CYP7B1: variants seen among roughly 807,000 people sequenced by gnomAD.
The protein encoded by CYP7B1 is cytochrome P450 family 7 subfamily B member 1.
Under a neutral mutation model 42.7 loss-of-function variants are expected in CYP7B1, and 29 were observed. The observed-to-expected ratio is 0.68, with a 90% CI of 0.51 to 0.93. The LOEUF is 0.93. Among genes scored for constraint, CYP7B1 ranks in the 40% least tolerant of loss-of-function variants. The probability of loss-of-function intolerance (pLI) is 0.00; values close to 1 mark genes in which losing one functional copy is unlikely to be tolerated. For synonymous variants in CYP7B1, 235 were observed against 218.2 expected (o/e 1.08, Z -0.68); for missense variants, 655 against 600.5 (o/e 1.09, Z -0.95).
chr8:64,625,672 C>T (rs774689501), intron 1 of CYP7B1, among the ~76,000 whole-genome samples: 11 of 152,172 alleles, frequency 7.2e-5, no homozygotes, highest in Non-Finnish European at 1.2e-4. Context: ...GAGTTCTAGT[C>T]AAACTGCTTG....
At chr8:64,783,515 T>C (rs762397207) in intron 1 of CYP7B1, among the ~76,000 whole-genome samples, 4 of 151,318 alleles carry the variant, frequency 2.6e-5, no homozygotes, top group Non-Finnish European at 5.9e-5. Flanking sequence ...GTGAGAGGGC[T>C]GAAAGAGAGA....
chr8:64,792,507 T>A (rs962340442), intron 1 of CYP7B1, among the ~76,000 whole-genome samples: 1 of 152,202 alleles, frequency 6.6e-6, no homozygotes, highest in Admixed American at 6.5e-5. Flanking sequence ...TACATACTCA[T>A]TCATTTGTAC....
At position 64,593,617 on chromosome 8, in the gene CYP7B1, T is replaced by A. The variant is rs565645710; in HGVS notation, c.*3025A>T. Among the ~76,000 whole-genome samples the A allele has an allele frequency of 6.6e-6, 1 of 152,214 alleles. No homozygotes were observed. Among genetic ancestry groups the A allele is most frequent in the Non-Finnish European group, 1.5e-5 (1 of 68,022 alleles). On this transcript the variant is annotated 3_prime_UTR_variant, in exon 6 of 6. Transcript: ENST00000310193. The stretch of plus-strand genomic sequence containing the variant: ...GTCTGAAAAATGCAAATACAAATTC[T>A]CTCTTGAGGAATGAACTTTAAATCT...
At chr8:64,791,421 G>T (rs1167284475) in intron 1 of CYP7B1, among the ~76,000 whole-genome samples, 1 of 152,144 alleles carries the variant, frequency 6.6e-6, no homozygotes, top group Non-Finnish European at 1.5e-5. Flanking sequence ...ACATTGTCCT[G>T]GATTATCAGC....
intron 1 of CYP7B1, among the ~76,000 whole-genome samples, chr8:64,794,395 C>A (rs1804672499): frequency 6.6e-6 from 1 of 152,196 alleles, no homozygotes. Flanking sequence ...TTAGTCAATT[C>A]AGACTGCTAT....
At chr8:64,615,314 A>G in intron 3 of CYP7B1, 82 bp from the exon 4 acceptor site, 1 of 1,400,916 alleles carries the variant, frequency 7.1e-7, no homozygotes, top group Non-Finnish European at 9.9e-7. Flanking sequence ...AAAAGATGTT[A>G]GGACACAGAC....
intron 1 of CYP7B1, among the ~76,000 whole-genome samples, chr8:64,662,243 G>C (rs534898489): frequency 3.9e-4 from 60 of 152,262 alleles, no homozygotes; most frequent in Admixed American, 3.9e-4. Flanking sequence ...AGAGAAGGGA[G>C]GATTACTTGA....
intron 1 of CYP7B1, among the ~76,000 whole-genome samples, chr8:64,783,899 G>T (rs1450037954): frequency 6.6e-6 from 1 of 152,122 alleles, no homozygotes; most frequent in Admixed American, 6.5e-5. Context: ...TGGTAGGACT[G>T]CAAAATGGTA....
chr8:64,780,774 G>C (rs1345553463), intron 1 of CYP7B1, among the ~76,000 whole-genome samples: 1 of 151,976 alleles, frequency 6.6e-6, no homozygotes, highest in Non-Finnish European at 1.5e-5. Flanking sequence ...TGCGGATGTG[G>C]CTCTCTCTAT....
At chr8:64,754,918 T>C (rs1291868918) in intron 1 of CYP7B1, among the ~76,000 whole-genome samples, 1 of 152,166 alleles carries the variant, frequency 6.6e-6, no homozygotes, top group Non-Finnish European at 1.5e-5. Flanking sequence ...TGAAAGATCT[T>C]GAAGATCTTA....
At chr8:64,647,254 T>C (rs1805968032) in intron 1 of CYP7B1, among the ~76,000 whole-genome samples, 1 of 151,918 alleles carries the variant, frequency 6.6e-6, no homozygotes, top group Non-Finnish European at 1.5e-5. Context: ...CCCACAACAA[T>C]TACAACAGTA....
chr8:64,623,884 C>T (rs2129630410), intron 2 of CYP7B1, among the ~76,000 whole-genome samples: 1 of 152,004 alleles, frequency 6.6e-6, no homozygotes, highest in East Asian at 1.9e-4. Context: ...ACGAACTACA[C>T]AATACAAAGA....
chr8:64,708,042 G>A (rs1275631973), intron 1 of CYP7B1, among the ~76,000 whole-genome samples: 1 of 152,118 alleles, frequency 6.6e-6, no homozygotes, highest in Non-Finnish European at 1.5e-5. Context: ...TGGGAGCATG[G>A]ACTATCAGCA....
At chr8:64,736,744 T>A (rs930273213) in intron 1 of CYP7B1, among the ~76,000 whole-genome samples, 5 of 152,248 alleles carry the variant, frequency 3.3e-5, no homozygotes, top group African/African-American at 1.2e-4. Flanking sequence ...CCACCACACC[T>A]GGGCTGAATT....
At chr8:64,724,705 C>G (rs747861757) in intron 1 of CYP7B1, among the ~76,000 whole-genome samples, 8 of 152,052 alleles carry the variant, frequency 5.3e-5, no homozygotes, top group African/African-American at 1.9e-4. Flanking sequence ...AAGTATGATG[C>G]TTTGGTGTGC....
chr8:64,767,045 T>C (rs2129634221), intron 1 of CYP7B1, among the ~76,000 whole-genome samples: 1 of 152,330 alleles, frequency 6.6e-6, no homozygotes, highest in South Asian at 2.1e-4. Context: ...CATGCCTTTC[T>C]AATTATGCCT....
chr8:64,676,116 C>G (rs1319612970), intron 1 of CYP7B1, among the ~76,000 whole-genome samples: 1 of 152,088 alleles, frequency 6.6e-6, no homozygotes, highest in Non-Finnish European at 1.5e-5. Context: ...AGTATCCCAA[C>G]CCATATCTTA....
chr8:64,744,594 A>G (rs893317651), intron 1 of CYP7B1, among the ~76,000 whole-genome samples: 2 of 152,190 alleles, frequency 1.3e-5, no homozygotes, highest in African/African-American at 4.8e-5. Context: ...CTTAAGAAAC[A>G]CCAAAGTCTT....
At chr8:64,660,966 GA>G (rs1806191081) in intron 1 of CYP7B1, among the ~76,000 whole-genome samples, 1 of 152,138 alleles carries the variant, frequency 6.6e-6, no homozygotes, top group Non-Finnish European at 1.5e-5. Context: ...AGTATAGTAA[GA>G]AAAACTCACA....
Sources: allele counts gnomAD v4.1 joint callset (sites outside exome capture counted in the v4.1 genomes callset), GRCh38; gene constraint gnomAD v4.1.1; transcripts MANE v1.5; gene names NCBI Gene and HGNC (gene_info 2026-07-23, HGNC 2026-07-21).